The following MFHAS1 variants were observed in gnomAD, a reference collection of about 807,000 sequenced individuals.
MFHAS1 encodes the protein multifunctional ROCO family signaling regulator 1, also known as malignant fibrous histiocytoma-amplified sequence 1.
MFHAS1 carries 50 observed loss-of-function variants against 70.4 expected under a neutral mutation model. The observed-to-expected ratio is 0.71, with a 90% CI of 0.57 to 0.90. The LOEUF (loss-of-function observed/expected upper bound fraction) is 0.90, where lower values mean the gene tolerates loss of function less well. Ranked by LOEUF, MFHAS1 falls within the 40% of genes least tolerant of loss-of-function variation. MFHAS1 has a pLI of 0.00. For missense variants in MFHAS1, 1,795 were observed against 1,347.6 expected (o/e 1.33, Z -5.20); for synonymous variants, 952 against 620.0 (o/e 1.54, Z -7.96).
chr8:8,805,716 G>A (rs979073392), intron 1 of MFHAS1, among the ~76,000 whole-genome samples: 4 of 151,986 alleles, frequency 2.6e-5, no homozygotes, highest in Non-Finnish European at 5.9e-5. Flanking sequence ...TTTCTTTTTT[G>A]AGACAGAGTC....
At chr8:8,788,898 T>A (rs988012672) in intron 2 of MFHAS1, among the ~76,000 whole-genome samples, 7 of 151,992 alleles carry the variant, frequency 4.6e-5, no homozygotes, top group African/African-American at 1.7e-4. Flanking sequence ...GGAGTATCTG[T>A]GTGTTGGCAG....
chr8:8,820,006 C>A (rs1326814865), intron 1 of MFHAS1, among the ~76,000 whole-genome samples: 1 of 152,158 alleles, frequency 6.6e-6, no homozygotes, highest in Non-Finnish European at 1.5e-5. Context: ...TCTATACAGA[C>A]TATCTATGAA....
chr8:8,803,323 T>C (rs1156451934), intron 1 of MFHAS1, among the ~76,000 whole-genome samples: 1 of 151,752 alleles, frequency 6.6e-6, no homozygotes, highest in African/African-American at 2.4e-5. Flanking sequence ...AAGACCAGCC[T>C]GGCCAACATG....
chr8:8,871,819 G>A (rs1381128832), intron 1 of MFHAS1, among the ~76,000 whole-genome samples: 1 of 152,194 alleles, frequency 6.6e-6, no homozygotes, highest in Non-Finnish European at 1.5e-5. Context: ...GCCTGGGAGA[G>A]GTTAACATAC....
intron 1 of MFHAS1, among the ~76,000 whole-genome samples, chr8:8,837,876 G>A (rs897868993): frequency 2.6e-5 from 4 of 152,138 alleles, no homozygotes. Flanking sequence ...TGACTGCTCA[G>A]TAAAATCAGC....
intron 1 of MFHAS1, among the ~76,000 whole-genome samples, chr8:8,861,893 G>C (rs1384531617): frequency 1.3e-5 from 2 of 152,168 alleles, no homozygotes; most frequent in Non-Finnish European, 2.9e-5. Context: ...TTTATCAGTA[G>C]TTCATCTCTT....
intron 1 of MFHAS1, among the ~76,000 whole-genome samples, chr8:8,887,140 C>T (rs565107877): frequency 7.9e-5 from 12 of 151,880 alleles, no homozygotes; most frequent in Non-Finnish European, 1.8e-4. Flanking sequence ...AACAAACAAA[C>T]AAACAAAAAA....
At chr8:8,851,243 T>C (rs1808238376) in intron 1 of MFHAS1, among the ~76,000 whole-genome samples, 1 of 152,164 alleles carries the variant, frequency 6.6e-6, no homozygotes, top group East Asian at 1.9e-4. Context: ...TTGGGTGTCT[T>C]ATAAATAGAA....
intron 1 of MFHAS1, among the ~76,000 whole-genome samples, chr8:8,857,736 G>A (rs1474166034): frequency 1.3e-5 from 2 of 151,756 alleles, no homozygotes; most frequent in African/African-American, 4.8e-5. Context: ...CTCTAGCCTG[G>A]GCAACAGAGC....
rs73184229 is a variant in MFHAS1, at chr8:8,832,872, C to T, written c.2999-35381G>A. On this transcript the variant is annotated intron_variant, in intron 1 of 2. Transcript: ENST00000276282. Reference sequence around the variant, plus strand: ...CTAAGAATTTTTACAAACTATTGGTCGAATTGTGTAGTAGCCCATTCTTAC... The same window carrying T: ...CTAAGAATTTTTACAAACTATTGGTTGAATTGTGTAGTAGCCCATTCTTAC... Among the ~76,000 whole-genome samples, 947 of 152,146 alleles carry T rather than the reference C, an allele frequency of 6.2e-3. 8 individuals are homozygous for T. The highest frequency in any genetic ancestry group is 0.011 in the Non-Finnish European group (728 of 68,010).
chr8:8,805,515 C>A (rs964509909), intron 1 of MFHAS1, among the ~76,000 whole-genome samples: 1 of 152,032 alleles, frequency 6.6e-6, no homozygotes, highest in Non-Finnish European at 1.5e-5. Context: ...TCATCATTGT[C>A]TGTTCATTGA....
At chr8:8,832,236 T>C (rs192629620) in intron 1 of MFHAS1, among the ~76,000 whole-genome samples, 135 of 151,816 alleles carry the variant, frequency 8.9e-4, no homozygotes, top group African/African-American at 3.0e-3. Flanking sequence ...AATTGAAATG[T>C]TGAACTCTTG....
chr8:8,798,516 T>G (rs918973838), intron 1 of MFHAS1, among the ~76,000 whole-genome samples: 1 of 152,062 alleles, frequency 6.6e-6, no homozygotes, highest in Non-Finnish European at 1.5e-5. Context: ...ACTTTATTTT[T>G]GTAGAGACAG....
intron 1 of MFHAS1, among the ~76,000 whole-genome samples, chr8:8,824,576 T>A (rs1247003842): frequency 1.3e-5 from 2 of 150,082 alleles, no homozygotes; most frequent in East Asian, 3.9e-4. Context: ...CACCCCTTTC[T>A]GCTCCATCAG....
intron 1 of MFHAS1, among the ~76,000 whole-genome samples, chr8:8,801,552 C>T (rs1347796104): frequency 1.1e-4 from 17 of 152,214 alleles, no homozygotes; most frequent in Admixed American, 9.8e-4. Flanking sequence ...AGATTAAGAA[C>T]ATAAGAAAAA....
At chr8:8,861,107 T>C (rs1808643307) in intron 1 of MFHAS1, among the ~76,000 whole-genome samples, 1 of 152,248 alleles carries the variant, frequency 6.6e-6, no homozygotes, top group South Asian at 2.1e-4. Context: ...ATTCATCCAC[T>C]GTAATTTCAA....
chr8:8,875,716 G>A (rs1435447405), intron 1 of MFHAS1, among the ~76,000 whole-genome samples: 1 of 152,046 alleles, frequency 6.6e-6, no homozygotes. Context: ...TCAGCCTCCT[G>A]AGTAGCTGGG....
At position 8,811,641 on chromosome 8, in the gene MFHAS1, G is replaced by A. The variant is rs553813437; in HGVS notation, c.2999-14150C>T. On this transcript the variant is annotated intron_variant, in intron 1 of 2. Transcript: ENST00000276282. The stretch of plus-strand genomic sequence containing the variant: ...CCTGACGCATACTAGCTGATGCTGC[G>A]TCTCCTCTGCAGGGACGTAAGCTCC... 3.3e-5 allele frequency among the ~76,000 whole-genome samples: 5 copies of A among 152,308 alleles called. No homozygotes were observed. In the South Asian group the frequency reaches 6.2e-4, roughly 19 times the overall value.
intron 1 of MFHAS1, among the ~76,000 whole-genome samples, chr8:8,841,707 C>T (rs1377905251): frequency 6.6e-6 from 1 of 152,064 alleles, no homozygotes; most frequent in African/African-American, 2.4e-5. Context: ...AGAAGCCAGC[C>T]CCTGGTTATA....
Sources: allele counts gnomAD v4.1 joint callset (sites outside exome capture counted in the v4.1 genomes callset), GRCh38; gene constraint gnomAD v4.1.1; transcripts MANE v1.5; gene names NCBI Gene and HGNC (gene_info 2026-07-23, HGNC 2026-07-21).